Variants in SMC1A observed in about 807,000 individuals in gnomAD.
SMC1A encodes the protein structural maintenance of chromosomes protein 1A.
In SMC1A, 4 loss-of-function variants were observed where a neutral mutation model predicts 94.5. The observed-to-expected ratio is 0.04, with a 90% CI of 0.02 to 0.10. The LOEUF is 0.10. Ranked by LOEUF, SMC1A falls within the 10% of genes least tolerant of loss-of-function variation. The pLI is 1.00. For synonymous variants in SMC1A, 345 were observed against 347.7 expected (o/e 0.99, Z 0.09); for missense variants, 304 against 989.0 (o/e 0.31, Z 9.29).
chrX:53,391,184 G>A (rs782382536), intron 19 of SMC1A, among the ~76,000 whole-genome samples: 1 of 108,509 alleles, frequency 9.2e-6, no homozygotes, highest in African/African-American at 3.3e-5. Context: ...GCATGGTGGC[G>A]CATGCCTGTA....
Position 53,405,525 on chromosome X carries a change from G to A in SMC1A, c.1879C>T (p.Arg627Cys), listed in dbSNP as rs1429718803. The A allele has an allele frequency of 3.3e-6, 4 of 1,210,726 alleles. No homozygotes were observed. Among genetic ancestry groups the A allele is most frequent in the African/African-American group, 1.7e-5 (1 of 57,428 alleles). Residue 627 changes from arginine (R) to cysteine (C), a missense_variant, in exon 11 of 25, where the codon CGC (arginine) becomes TGC (cysteine). This residue lies in a region of SMC1A where 57 missense variants were observed against 278.1 expected (regional missense o/e 0.20). Transcript: ENST00000322213. ...LVCDNVEDAR[R>C]IAFGGHQRHK... ...CGCTGGTGGCCTCCAAAGGCAATGC[G>A]GCGGGCATCTTCCACGTTGTCACAG...
Position 53,377,073 on chromosome X carries a change from C to T in SMC1A, c.*3030G>A, listed in dbSNP as rs1262121330. On this transcript the variant is annotated 3_prime_UTR_variant, in exon 25 of 25. Transcript: ENST00000322213. Reference sequence around the variant, plus strand: ...TTGGAAACACTGTGGTGCCCAGCCTCCCGTGAGCATAGCCTTGACAACGGT... The same window carrying T: ...TTGGAAACACTGTGGTGCCCAGCCTTCCGTGAGCATAGCCTTGACAACGGT... 4.5e-5 allele frequency: 5 copies of T among 112,094 alleles called. No homozygotes were observed. Among genetic ancestry groups the T allele is most frequent in the Non-Finnish European group, 7.5e-5 (4 of 53,232 alleles). The allele number at this position is 112,094 out of a possible 1,213,427, so 9.2% of individuals were successfully genotyped here. A position where few individuals can be genotyped will look rare whatever the true frequency, so the allele number is the denominator to read the frequency against.
intron 19 of SMC1A, among the ~76,000 whole-genome samples, chrX:53,393,946 CA>C (rs782375227): frequency 9.1e-6 from 1 of 109,550 alleles, no homozygotes; most frequent in African/African-American, 3.3e-5. Flanking sequence ...CACCTGAGGT[CA>C]GGAGTTCAAG....
At chrX:53,389,876 G>T (rs1163473693) in intron 19 of SMC1A, among the ~76,000 whole-genome samples, 13 of 76,730 alleles carry the variant, frequency 1.7e-4, no homozygotes, top group African/African-American at 6.8e-4. Flanking sequence ...TTGAGACGGA[G>T]TCTTGCTCTG....
At chrX:53,401,065 C>T (rs1487100091) in intron 15 of SMC1A, among the ~76,000 whole-genome samples, 1 of 111,024 alleles carries the variant, frequency 9.0e-6, no homozygotes, top group South Asian at 3.8e-4. Flanking sequence ...GTTCTCTCTG[C>T]TTGGAATTCA....
rs368182180 is a variant in SMC1A, at chrX:53,405,406, G to A, written c.1912-15C>T. 1.7e-6 allele frequency: 2 copies of A among 1,211,430 alleles called. No individual in the cohort carries two copies. Among genetic ancestry groups the A allele is most frequent in the Non-Finnish European group, 2.2e-6 (2 of 895,333 alleles). The stretch of plus-strand genomic sequence containing the variant: ...AGTGCCACTGTCTACACACAGCAGG[G>A]GGAAGAGAGAAGAGGGGGAGAAGCT... On this transcript the variant is annotated splice_polypyrimidine_tract_variant and intron_variant, in intron 11 of 24. Coordinates refer to ENST00000322213, the MANE Select transcript of SMC1A (RefSeq NM_006306.4).
Position 53,376,204 on chromosome X carries a change from G to A in SMC1A, c.*3899C>T, listed in dbSNP as rs894983754. 9.8e-5 allele frequency: 11 copies of A among 111,924 alleles called. No individual in the cohort carries two copies. Among genetic ancestry groups the A allele is most frequent in the Admixed American group, 3.8e-4 (4 of 10,602 alleles). 9.2% of individuals were successfully genotyped at this position (111,924 alleles called of 1,213,427 possible). A position where few individuals can be genotyped will look rare whatever the true frequency, so the allele number is the denominator to read the frequency against. ...ACAGCATGAACATCTAACCTAATCT[G>A]TTTTCCATGCTGGTTGGCTAGCCAG... On this transcript the variant is annotated 3_prime_UTR_variant, in exon 25 of 25. Transcript: ENST00000322213.
In SMC1A at chrX:53,415,438, A is replaced by T. The variant is rs1370921665; in HGVS notation, c.110-269T>A. Among the ~76,000 whole-genome samples the T allele has an allele frequency of 2.7e-5, 3 of 111,109 alleles. No homozygotes were observed. In the East Asian group the frequency reaches 8.4e-4, roughly 31 times the overall value. On this transcript the variant is annotated intron_variant, in intron 1 of 24. Coordinates refer to ENST00000322213, the MANE Select transcript of SMC1A (RefSeq NM_006306.4). ...CGTAGTGACTCACACCTGTAATCCC[A>T]GCACTTTGGGATGCCGAGGCAGGAA...
chrX:53,393,143 T>C lies in SMC1A; in HGVS notation c.2973+1635A>G, dbSNP rs183736495. ...AGTACACAACATCACCTATGATATA[T>C]TCTTGCCAAAAAAAGAACTTGAATC... On this transcript the variant is annotated intron_variant, in intron 19 of 24. Transcript: ENST00000322213. Among the ~76,000 whole-genome samples the C allele has an allele frequency of 1.1e-3, 122 of 111,677 alleles. 1 individual carries two copies. Among genetic ancestry groups the C allele is most frequent in the African/African-American group, 3.6e-3 (111 of 30,802 alleles).
In SMC1A at chrX:53,379,111, C is replaced by T. The variant is rs926115967; in HGVS notation, c.*992G>A. On this transcript the variant is annotated 3_prime_UTR_variant, in exon 25 of 25. Transcript: ENST00000322213. ...AGGGGTCGGCACCTAGTGGGCTCCACGAAGGGATAAGGCCTCCAGTGAGGA... is the reference window on the plus strand; with the variant it reads ...AGGGGTCGGCACCTAGTGGGCTCCATGAAGGGATAAGGCCTCCAGTGAGGA... 3 of 111,678 alleles carry T rather than the reference C, an allele frequency of 2.7e-5. No homozygotes were observed. The highest frequency in any genetic ancestry group is 9.5e-5 in the Admixed American group (1 of 10,494). The allele number at this position is 111,678 out of a possible 1,213,427, so 9.2% of individuals were successfully genotyped here.
At position 53,382,619 on chromosome X, in the gene SMC1A, C is replaced by T. The variant is rs1556886043; in HGVS notation, c.3172G>A (p.Ala1058Thr). The T allele has an allele frequency of 8.3e-7, 1 of 1,211,727 alleles. No homozygotes were observed. The highest frequency in any genetic ancestry group is 1.1e-6 in the Non-Finnish European group (1 of 895,506). Reference protein sequence around the residue: ...ARKRAKKAKQAFEQIKKERFD... With the variant: ...ARKRAKKAKQTFEQIKKERFD... ...CGCTCCTTCTTGATCTGTTCGAATGCCTGCTTGGCCTTCTTTGCTCGCTTT... is the reference window on the plus strand; with the variant it reads ...CGCTCCTTCTTGATCTGTTCGAATGTCTGCTTGGCCTTCTTTGCTCGCTTT... Residue 1058 changes from alanine (A) to threonine (T), a missense_variant, in exon 21 of 25, where the codon GCA (alanine) becomes ACA (threonine). Coordinates refer to ENST00000322213, the MANE Select transcript of SMC1A (RefSeq NM_006306.4).
chrX:53,384,986 A>T (rs947141443), intron 19 of SMC1A, among the ~76,000 whole-genome samples: 6 of 109,298 alleles, frequency 5.5e-5, no homozygotes, highest in Non-Finnish European at 1.1e-4. Flanking sequence ...TTCGAAAGCT[A>T]AAAAAAATAT....
Position 53,414,793 on chromosome X carries a change from T to C in SMC1A, c.376A>G (p.Ile126Val). Residue 126 changes from isoleucine to valine, a missense_variant, in exon 3 of 25, where the codon ATT (isoleucine) becomes GTT (valine). Transcript: ENST00000322213. ...AGGAAGTTACGAGCTTTGATGAGAA[T>C]GCCCAACTTCTCTAATTCCTCACTG... The part of the protein sequence containing the change: ...EYSEELEKLG[I>V]LIKARNFLVF... 1 of 1,208,067 alleles carries C rather than the reference T, an allele frequency of 8.3e-7. No homozygotes were observed. Among genetic ancestry groups the C allele is most frequent in the Non-Finnish European group, 1.1e-6 (1 of 892,018 alleles).
chrX:53,383,249 G>A lies in SMC1A; in HGVS notation c.2978C>T (p.Ala993Val), dbSNP rs1263712489. The A allele has an allele frequency of 8.6e-7, 1 of 1,167,863 alleles. No individual in the cohort carries two copies. The highest frequency in any genetic ancestry group is 1.1e-6 in the Non-Finnish European group (1 of 873,741). ...TTGCTTGATCTCTTCCTCAGCCTGG[G>A]CATCCTGTAAGCCCCAGGCCCAGCA... ...YGDLCEDLKD[A>V]QAEEEIKQEM... is the part of the protein sequence containing the mutation. Residue 993 changes from alanine (A) to valine (V), a missense_variant, in exon 20 of 25, where the codon GCC becomes GTC. This residue lies in a region of SMC1A where 17 missense variants were observed against 44.7 expected (regional missense o/e 0.38). Transcript: ENST00000322213.
intron 19 of SMC1A, among the ~76,000 whole-genome samples, chrX:53,391,238 C>G (rs1556887240): frequency 1.8e-5 from 2 of 109,836 alleles, no homozygotes; most frequent in African/African-American, 6.6e-5. Context: ...TCACTTGAAC[C>G]CAGGAGGCAA....
chrX:53,394,731 T>TTCCCCCCCACCCCCCCCCCCCC, intron 19 of SMC1A, 47 bp downstream of exon 19: 1 of 416,235 alleles, frequency 2.4e-6, no homozygotes, highest in African/African-American at 2.9e-5. Flanking sequence ...ATAGTCCCAC[T>TTCCCCCCCACCCCCCCCCCCCC]CCCACCCAAC....
rs1201299231 is a variant in SMC1A at position 53,413,460 on chromosome X, C to T, written c.412-25G>A. On this transcript the variant is annotated intron_variant, in intron 3 of 24. Coordinates refer to ENST00000322213, the MANE Select transcript of SMC1A (RefSeq NM_006306.4). ...CCTAGTAAAGGTCGAAACACTCTTC[C>T]ACTTCAGACCCCAGCCAACCCAGTT... The T allele has an allele frequency of 4.3e-6, 5 of 1,175,687 alleles. No individual in the cohort carries two copies. The Admixed American group carries it at 1.1e-4, about 26-fold the overall frequency.
chrX:53,403,777 C>A lies in SMC1A; in HGVS notation c.2313G>T (p.Gln771His), dbSNP rs1602409326. The A allele has an allele frequency of 8.4e-7, 1 of 1,197,028 alleles. No individual in the cohort carries two copies. Among genetic ancestry groups the A allele is most frequent in the East Asian group, 3.0e-5 (1 of 33,706 alleles). Residue 771 changes from glutamine (Q) to histidine (H), a missense_variant and splice_region_variant, in exon 14 of 25, where the codon CAG becomes CAT. Physicochemically the swap from Gln to His is conservative, Grantham distance 24. Around this residue, in one of 11 missense-constraint regions of SMC1A, gnomAD observed 57 missense variants for 278.1 expected, o/e 0.20. Coordinates refer to ENST00000322213, the MANE Select transcript of SMC1A (RefSeq NM_006306.4). Reference protein sequence around the residue: ...EMKDLKEKMNQVEDEVFEEFC... With the variant: ...EMKDLKEKMNHVEDEVFEEFC... ...CTGGCATGGCCCACACCCTACCAAC[C>A]TGGTTCATCTTCTCCTTCAAGTCTT...
chrX:53,405,424 G>C, intron 11 of SMC1A, 33 bp from the exon 12 acceptor site: 5 of 1,211,178 alleles, frequency 4.1e-6, no homozygotes, highest in African/African-American at 1.7e-5. Context: ...AGAAGAGGGG[G>C]AGAAGCTGAA....
Sources: allele counts gnomAD v4.1 joint callset (sites outside exome capture counted in the v4.1 genomes callset), GRCh38; gene constraint gnomAD v4.1.1; regional missense constraint gnomAD v4.1.1; transcripts MANE v1.5; gene names NCBI Gene and HGNC (gene_info 2026-07-23, HGNC 2026-07-21).